The following RBFOX1 variants were observed in gnomAD, a reference collection of about 807,000 sequenced individuals.
The protein encoded by RBFOX1 is RNA binding protein fox-1 homolog 1.
RBFOX1 carries 8 observed loss-of-function variants against 57.7 expected under a neutral mutation model. That is an observed-to-expected ratio of 0.14 (90% CI 0.08 to 0.25). The LOEUF (loss-of-function observed/expected upper bound fraction) is 0.25, where lower values mean the gene tolerates loss of function less well. RBFOX1 is among the 10% of genes least tolerant of loss of function. The probability of loss-of-function intolerance (pLI) is 1.00; values close to 1 mark genes in which losing one functional copy is unlikely to be tolerated. For synonymous variants in RBFOX1, 326 were observed against 222.4 expected (o/e 1.47, Z -4.15); for missense variants, 611 against 548.5 (o/e 1.11, Z -1.14).
intron 1 of RBFOX1, among the ~76,000 whole-genome samples, chr16:5,455,815 C>T (rs911930494): frequency 6.6e-6 from 1 of 152,042 alleles, no homozygotes; most frequent in Non-Finnish European, 1.5e-5. Context: ...GCTAGAGAAC[C>T]CTGGTTTCGA....
At chr16:7,248,026 C>T (rs1253809801) in intron 4 of RBFOX1, among the ~76,000 whole-genome samples, 1 of 152,114 alleles carries the variant, frequency 6.6e-6, no homozygotes, top group Admixed American at 6.5e-5. Context: ...TGCACATGTA[C>T]CTCTGAACCT....
chr16:7,702,690 A>G (rs763092093), intron 14 of RBFOX1, among the ~76,000 whole-genome samples: 2 of 152,134 alleles, frequency 1.3e-5, no homozygotes, highest in Non-Finnish European at 2.9e-5. Flanking sequence ...CCAGCCCCTG[A>G]GAATTGCTGA....
intron 3 of RBFOX1, among the ~76,000 whole-genome samples, chr16:6,877,281 C>T (rs893943627): frequency 1.3e-5 from 2 of 152,140 alleles, no homozygotes; most frequent in African/African-American, 4.8e-5. Context: ...GATGGGTTGA[C>T]TTGGAGGTAT....
At chr16:5,458,139 C>T (rs1189309798) in intron 1 of RBFOX1, among the ~76,000 whole-genome samples, 1 of 152,112 alleles carries the variant, frequency 6.6e-6, no homozygotes, top group Non-Finnish European at 1.5e-5. Flanking sequence ...TTAAATATTG[C>T]ATTAAGTGAA....
chr16:7,054,194 T>G (rs1459200910), intron 4 of RBFOX1, among the ~76,000 whole-genome samples: 1 of 126,434 alleles, frequency 7.9e-6, no homozygotes, highest in Non-Finnish European at 1.6e-5. Context: ...ACTTCCCTTA[T>G]TAAGGTGATT....
intron 1 of RBFOX1, among the ~76,000 whole-genome samples, chr16:6,202,927 C>T (rs1479462304): frequency 6.6e-6 from 1 of 151,976 alleles, no homozygotes; most frequent in African/African-American, 2.4e-5. Context: ...TGCATGCCAC[C>T]ATGCCTGGAT....
At chr16:6,036,472 G>A (rs1467968006) in intron 1 of RBFOX1, among the ~76,000 whole-genome samples, 1 of 152,060 alleles carries the variant, frequency 6.6e-6, no homozygotes, top group Non-Finnish European at 1.5e-5. Context: ...TGGTAATTTG[G>A]TTTAGTAACT....
At chr16:6,469,705 T>C (rs2095131504) in intron 2 of RBFOX1, among the ~76,000 whole-genome samples, 1 of 152,206 alleles carries the variant, frequency 6.6e-6, no homozygotes, top group African/African-American at 2.4e-5. Context: ...GTTGAATGCA[T>C]GTAACTTGAG....
At chr16:5,836,504 C>T (rs1173450427) in intron 3 of RBFOX1, among the ~76,000 whole-genome samples, 5 of 152,184 alleles carry the variant, frequency 3.3e-5, no homozygotes, top group African/African-American at 9.6e-5. Flanking sequence ...TCTTTAGGAG[C>T]CATCCTCCAT....
chr16:7,592,594 G>C (rs1395562261), intron 7 of RBFOX1, among the ~76,000 whole-genome samples: 1 of 152,148 alleles, frequency 6.6e-6, no homozygotes, highest in African/African-American at 2.4e-5. Context: ...CTTGCCGGGA[G>C]AGAATATAAA....
At chr16:5,891,659 C>A (rs1327642993) in intron 4 of RBFOX1, among the ~76,000 whole-genome samples, 1 of 152,038 alleles carries the variant, frequency 6.6e-6, no homozygotes, top group African/African-American at 2.4e-5. Context: ...TGGGTCCTGG[C>A]CATGTGCCTA....
At chr16:6,406,480 T>A (rs1166526801) in intron 2 of RBFOX1, among the ~76,000 whole-genome samples, 1 of 152,196 alleles carries the variant, frequency 6.6e-6, no homozygotes, top group Non-Finnish European at 1.5e-5. Context: ...TTTATTACTT[T>A]CCTACATGAG....
At chr16:5,818,685 A>G (rs1330510741) in intron 3 of RBFOX1, among the ~76,000 whole-genome samples, 1 of 152,216 alleles carries the variant, frequency 6.6e-6, no homozygotes, top group African/African-American at 2.4e-5. Context: ...AAGAAAACAG[A>G]GAGTCTTGAC....
In RBFOX1 at chr16:5,723,535, T is replaced by C. The variant is rs896530835; in HGVS notation, c.318+124574T>C. ...GGGCTGGATGGTGTCTGAGATCTGA[T>C]TTTGAGACCTTTGGTCTAAGGTTGA... is the stretch of plus-strand genomic sequence containing the variant. On this transcript the variant is annotated intron_variant, in intron 3 of 19. Transcript: ENST00000641259. Among the ~76,000 whole-genome samples, 10 of 151,766 alleles carry C rather than the reference T, an allele frequency of 6.6e-5. 1 individual carries two copies. The highest frequency in any genetic ancestry group is 2.4e-4 in the African/African-American group (10 of 41,262).
Position 7,505,981 on chromosome 16 carries a change from T to A in RBFOX1, c.28-12166T>A, listed in dbSNP as rs144923528. On this transcript the variant is annotated intron_variant, in intron 4 of 15. Coordinates refer to ENST00000550418, the MANE Select transcript of RBFOX1 (RefSeq NM_018723.4). ...TGAGTGGATCACAAGGTCAGGAGGT[T>A]GAGACCATCCTGTCTAACATGGTGA... is the stretch of plus-strand genomic sequence containing the variant. Among the ~76,000 whole-genome samples, 1,482 of 151,970 alleles carry A rather than the reference T, an allele frequency of 9.8e-3. 30 individuals carry two copies. The highest frequency in any genetic ancestry group is 0.035 in the African/African-American group (1,437 of 41,422).
At chr16:6,119,477 G>A (rs1336806136) in intron 1 of RBFOX1, among the ~76,000 whole-genome samples, 1 of 152,106 alleles carries the variant, frequency 6.6e-6, no homozygotes, top group African/African-American at 2.4e-5. Context: ...TTTAACCTTT[G>A]AACTTAAAAG....
intron 3 of RBFOX1, among the ~76,000 whole-genome samples, chr16:6,727,080 C>A (rs1395251433): frequency 7.3e-6 from 1 of 137,900 alleles, no homozygotes; most frequent in African/African-American, 2.7e-5. Context: ...CAGAGAGAGA[C>A]ACACAAAACA....
intron 2 of RBFOX1, among the ~76,000 whole-genome samples, chr16:6,425,837 G>C (rs1038806779): frequency 6.6e-6 from 1 of 152,000 alleles, no homozygotes; most frequent in African/African-American, 2.4e-5. Flanking sequence ...ACCTTTTTAT[G>C]GAGGGAAAAT....
chr16:5,493,356 G>C (rs190800995), intron 2 of RBFOX1, among the ~76,000 whole-genome samples: 47 of 152,236 alleles, frequency 3.1e-4, no homozygotes, highest in African/African-American at 1.1e-3. Flanking sequence ...CACCATGCTT[G>C]TCTGTTGCCC....
Sources: allele counts gnomAD v4.1 joint callset (sites outside exome capture counted in the v4.1 genomes callset), GRCh38; gene constraint gnomAD v4.1.1; transcripts MANE v1.5; gene names NCBI Gene and HGNC (gene_info 2026-07-23, HGNC 2026-07-21).